LRFN5: variants seen among roughly 807,000 people sequenced by gnomAD.
LRFN5 encodes leucine-rich repeat and fibronectin type-III domain-containing protein 5.
A neutral mutation model predicts 45.6 loss-of-function variants in LRFN5; 24 were observed. The ratio of observed to expected loss-of-function variants is 0.53; its 90% CI spans 0.38 to 0.74. The LOEUF (loss-of-function observed/expected upper bound fraction) is 0.74, where lower values mean the gene tolerates loss of function less well. LRFN5 is among the 30% of genes least tolerant of loss of function. The probability of loss-of-function intolerance (pLI) is 0.00; values close to 1 mark genes in which losing one functional copy is unlikely to be tolerated. For synonymous variants in LRFN5, 340 were observed against 313.8 expected, an observed-to-expected ratio of 1.08 and a Z score of -0.88; for missense variants, 776 against 861.5, an observed-to-expected ratio of 0.90 and a Z score of 1.24.
At chr14:41,757,786 C>T (rs1041277566) in intron 1 of LRFN5, among the ~76,000 whole-genome samples, 6 of 152,018 alleles carry the variant, frequency 3.9e-5, no homozygotes, top group Non-Finnish European at 7.4e-5. Context: ...TCTGACACTC[C>T]CCAGTGAGAT....
At chr14:41,896,686 G>A (rs1041088511) in intron 4 of LRFN5, among the ~76,000 whole-genome samples, 2 of 151,940 alleles carry the variant, frequency 1.3e-5, no homozygotes, top group African/African-American at 4.8e-5. Flanking sequence ...ATAAATATAC[G>A]CTGGGATTAT....
At chr14:41,848,827 C>T (rs562810074) in intron 2 of LRFN5, among the ~76,000 whole-genome samples, 2 of 152,090 alleles carry the variant, frequency 1.3e-5, no homozygotes, top group African/African-American at 2.4e-5. Flanking sequence ...GCTTCTTGTG[C>T]CTGTATTGTG....
At chr14:41,781,722 A>AGAAG (rs1158816828) in intron 2 of LRFN5, among the ~76,000 whole-genome samples, 2 of 151,844 alleles carry the variant, frequency 1.3e-5, no homozygotes, top group East Asian at 1.9e-4. Context: ...GAGAGAGGAA[A>AGAAG]GAAGGAAGGA....
At chr14:41,842,394 A>G (rs1888893242) in intron 2 of LRFN5, among the ~76,000 whole-genome samples, 1 of 152,134 alleles carries the variant, frequency 6.6e-6, no homozygotes, top group Non-Finnish European at 1.5e-5. Flanking sequence ...TGTCAAAACT[A>G]CACTTGATTA....
intron 2 of LRFN5, among the ~76,000 whole-genome samples, chr14:41,860,521 G>T (rs1889624568): frequency 6.6e-6 from 1 of 151,980 alleles, no homozygotes. Context: ...CCTTACCATG[G>T]ACATAATTAC....
intron 1 of LRFN5, among the ~76,000 whole-genome samples, chr14:41,715,822 G>A (rs1364477443): frequency 6.6e-6 from 1 of 152,112 alleles, no homozygotes; most frequent in Non-Finnish European, 1.5e-5. Flanking sequence ...CCACTAGGTG[G>A]TACTCCAGTA....
chr14:41,699,021 GA>G (rs1882728863), intron 1 of LRFN5, among the ~76,000 whole-genome samples: 1 of 151,996 alleles, frequency 6.6e-6, no homozygotes, highest in African/African-American at 2.4e-5. Context: ...ATAAATTTAT[GA>G]GAGTGTAAGT....
chr14:41,670,307 A>G (rs543937213), intron 1 of LRFN5, among the ~76,000 whole-genome samples: 1,065 of 31,506 alleles, frequency 0.034, 18 homozygotes, highest in Non-Finnish European at 0.043. Context: ...ATATATATAC[A>G]CACACACAGA....
chr14:41,825,343 G>T (rs1293163032), intron 2 of LRFN5, among the ~76,000 whole-genome samples: 5 of 152,212 alleles, frequency 3.3e-5, no homozygotes, highest in Non-Finnish European at 7.3e-5. Flanking sequence ...CTGCCTGGCT[G>T]CTGGGACAGA....
At chr14:41,724,815 C>T (rs1468737709) in intron 1 of LRFN5, among the ~76,000 whole-genome samples, 1 of 152,176 alleles carries the variant, frequency 6.6e-6, no homozygotes, top group African/African-American at 2.4e-5. Flanking sequence ...CTTCATTCAT[C>T]TTTGTCCCAC....
At chr14:41,810,872 T>G (rs1184131009) in intron 2 of LRFN5, among the ~76,000 whole-genome samples, 1 of 152,062 alleles carries the variant, frequency 6.6e-6, no homozygotes, top group African/African-American at 2.4e-5. Flanking sequence ...AGAAAAGCCT[T>G]CAGGCAAGCA....
intron 1 of LRFN5, among the ~76,000 whole-genome samples, chr14:41,645,725 G>A (rs1244611430): frequency 1.3e-5 from 2 of 152,156 alleles, no homozygotes; most frequent in East Asian, 3.9e-4. Flanking sequence ...TCTGGGGACT[G>A]AACATTTGTT....
intron 1 of LRFN5, among the ~76,000 whole-genome samples, chr14:41,693,465 T>G (rs1270490702): frequency 6.6e-6 from 1 of 152,092 alleles, no homozygotes; most frequent in African/African-American, 2.4e-5. Context: ...CTCCATTTAA[T>G]TAGGTGTGTT....
chr14:41,647,200 T>G (rs1251786771), intron 1 of LRFN5, among the ~76,000 whole-genome samples: 1 of 152,176 alleles, frequency 6.6e-6, no homozygotes, highest in Non-Finnish European at 1.5e-5. Context: ...ACATAGATTT[T>G]GATTCTGCAT....
intron 1 of LRFN5, among the ~76,000 whole-genome samples, chr14:41,664,767 A>G (rs1369002971): frequency 6.6e-6 from 1 of 150,406 alleles, no homozygotes; most frequent in Non-Finnish European, 1.5e-5. Context: ...AAAAATGATT[A>G]TTTTTCTACT....
chr14:41,627,665 T>A (rs563896794), intron 1 of LRFN5, among the ~76,000 whole-genome samples: 1 of 152,302 alleles, frequency 6.6e-6, no homozygotes, highest in African/African-American at 2.4e-5. Context: ...ATCGACAACA[T>A]GGTCGAATAT....
intron 1 of LRFN5, among the ~76,000 whole-genome samples, chr14:41,657,795 C>G (rs1284048280): frequency 1.3e-5 from 2 of 151,802 alleles, no homozygotes; most frequent in Non-Finnish European, 2.9e-5. Flanking sequence ...TCAAGGGCAT[C>G]CTGTGGAATT....
At chr14:41,652,902 C>T (rs192105512) in intron 1 of LRFN5, among the ~76,000 whole-genome samples, 101 of 152,162 alleles carry the variant, frequency 6.6e-4, no homozygotes, top group African/African-American at 1.7e-3. Context: ...AGTTGCATTT[C>T]TCTAATGCTC....
chr14:41,658,936 A>G (rs577939378), intron 1 of LRFN5, among the ~76,000 whole-genome samples: 2 of 151,766 alleles, frequency 1.3e-5, no homozygotes, highest in African/African-American at 2.4e-5. Context: ...CTCATTCCTT[A>G]ATTGTTCTCT....
Sources: allele counts gnomAD v4.1 joint callset (sites outside exome capture counted in the v4.1 genomes callset), GRCh38; gene constraint gnomAD v4.1.1; transcripts MANE v1.5; gene names NCBI Gene and HGNC (gene_info 2026-07-23, HGNC 2026-07-21).